Variants in TMEM69 observed in about 807,000 individuals in gnomAD.
The protein encoded by TMEM69 is chromosome 1 open reading frame 154.
In TMEM69, 17 loss-of-function variants were observed where a neutral mutation model predicts 15.8. The observed-to-expected ratio is 1.07, with a 90% confidence interval of 0.73 to 1.61. The LOEUF (loss-of-function observed/expected upper bound fraction) is 1.61. TMEM69 is among the 40% of genes most tolerant of loss of function. TMEM69 has a pLI of 0.00. For synonymous variants in TMEM69, 80 were observed against 98.6 expected (o/e 0.81, Z 1.12); for missense variants, 230 against 286.1 (o/e 0.80, Z 1.41).
At chr1:45,690,635 GGTTT>G (rs1370612243) in intron 1 of TMEM69, among the ~76,000 whole-genome samples, 1 of 150,034 alleles carries the variant, frequency 6.7e-6, no homozygotes, top group Non-Finnish European at 1.5e-5. Flanking sequence ...GTTTTGTTTT[GGTTT>G]TTTTTTTAAT....
At chr1:45,689,024 C>T (rs1354746705) in intron 1 of TMEM69, among the ~76,000 whole-genome samples, 4 of 151,748 alleles carry the variant, frequency 2.6e-5, no homozygotes, top group Non-Finnish European at 5.9e-5. Context: ...CTGCCTCAGC[C>T]TCCCGAGTAG....
intron 1 of TMEM69, 86 bp from the exon 2 acceptor site, chr1:45,690,888 G>GAA: frequency 3.1e-6 from 2 of 637,718 alleles, no homozygotes; most frequent in Non-Finnish European, 5.6e-6. Flanking sequence ...CTTTTCAAAG[G>GAA]AAAGTGTTAT....
rs1645362757 is a variant in TMEM69 at position 45,693,787 on chromosome 1, A to G, written c.626A>G (p.Asn209Ser). 4 of 1,614,216 alleles carry G rather than the reference A, an allele frequency of 2.5e-6. No homozygotes were observed. The South Asian group carries it at 3.3e-5, about 13-fold the overall frequency. The stretch of plus-strand genomic sequence containing the variant: ...CTTTTTCTCTTACCACATTATCCCA[A>G]CTGGTTTAAAGCCCTGAGGATAGTA... ...LELFLLPHYP[N>S]WFKALRIVVT... Residue 209 changes from asparagine to serine, a missense_variant, in exon 3 of 3, where the codon AAC (asparagine) becomes AGC (serine). Coordinates refer to ENST00000372025, the MANE Select transcript of TMEM69 (RefSeq NM_016486.4).
Position 45,693,934 on chromosome 1 carries a change from C to A in TMEM69, c.*29C>A. On this transcript the variant is annotated 3_prime_UTR_variant, in exon 3 of 3. Transcript: ENST00000372025. ...ATATAAAAGTCTGGGAAGTGAGGAG[C>A]ACCTCTGCCCAGCTGCTGCCCCGTC... is the stretch of plus-strand genomic sequence containing the variant. 2 of 1,430,916 alleles carry A rather than the reference C, an allele frequency of 1.4e-6. No individual in the cohort carries two copies. Among genetic ancestry groups the A allele is most frequent in the South Asian group, 1.3e-5 (1 of 76,012 alleles). The allele number at this position is 1,430,916 out of a possible 1,614,324, so 88.6% of individuals were successfully genotyped here.
intron 1 of TMEM69, among the ~76,000 whole-genome samples, chr1:45,690,416 T>C (rs3013596): frequency 0.53 from 80,679 of 151,888 alleles, 21,545 homozygotes; most frequent in Middle Eastern, 0.59. Flanking sequence ...GCACAAGAAT[T>C]GCTTGAACCC....
At chr1:45,691,518 G>C (rs1456210884) in intron 2 of TMEM69, among the ~76,000 whole-genome samples, 1 of 151,960 alleles carries the variant, frequency 6.6e-6, no homozygotes, top group African/African-American at 2.4e-5. Context: ...ACTGCAGCCT[G>C]GGTGACACAG....
chr1:45,693,338 C>A lies in TMEM69; in HGVS notation c.177C>A (p.Ser59Arg). Reference sequence around the variant, plus strand: ...CCTCATCATTTCCAGCGTATATGAGCAAGACACAGTGCTATCATACATCCC... The same window carrying A: ...CCTCATCATTTCCAGCGTATATGAGAAAGACACAGTGCTATCATACATCCC... ...WLSSSFPAYMSKTQCYHTSPC... is the reference protein window; with the variant it reads ...WLSSSFPAYMRKTQCYHTSPC... The change falls in exon 3 of 3, where the codon AGC (serine) becomes AGA (arginine). Residue 59 changes from serine (S) to arginine (R), a missense_variant. Physicochemically the swap from Ser to Arg is moderately radical, Grantham distance 110. Transcript: ENST00000372025. The A allele has an allele frequency of 6.2e-7, 1 of 1,614,172 alleles. No homozygotes were observed. The highest frequency in any genetic ancestry group is 8.5e-7 in the Non-Finnish European group (1 of 1,180,028).
chr1:45,690,635 GGTTTT>G lies in TMEM69; in HGVS notation c.-95-338_-95-334del, dbSNP rs1167065217. ...AGCTATGACCTTCCAGTTTTGTTTT[GGTTTT>G]TTTTTTAATTTCACAAAAACACCAC... On this transcript the variant is annotated intron_variant, in intron 1 of 2. Coordinates refer to ENST00000372025, the MANE Select transcript of TMEM69 (RefSeq NM_016486.4). Among the ~76,000 whole-genome samples, 16 of 150,124 alleles carry G rather than the reference GGTTTT, an allele frequency of 1.1e-4. No individual in the cohort carries two copies. In the South Asian group the frequency reaches 3.4e-3, roughly 32 times the overall value.
chr1:45,689,121 G>A (rs1301625878), intron 1 of TMEM69, among the ~76,000 whole-genome samples: 1 of 151,826 alleles, frequency 6.6e-6, no homozygotes, highest in South Asian at 2.1e-4. Flanking sequence ...CGTTGGCCAG[G>A]CTGGTCTCGA....
intron 1 of TMEM69, among the ~76,000 whole-genome samples, chr1:45,689,350 G>A (rs1645327718): frequency 6.6e-6 from 1 of 152,034 alleles, no homozygotes; most frequent in Non-Finnish European, 1.5e-5. Context: ...TTTTTAATCA[G>A]TCCCTCCTGT....
Position 45,690,983 on chromosome 1 carries a change from CCT to C in TMEM69, c.-85_-84del, listed in dbSNP as rs1161621301. Reference sequence around the variant, plus strand: ...CTTGTGTTATACACAGAAACATGCCCCTGATTCAGTGCCTCTGCTTAGCTGTA... The same window carrying C: ...CTTGTGTTATACACAGAAACATGCCCGATTCAGTGCCTCTGCTTAGCTGTA... On this transcript the variant is annotated 5_prime_UTR_variant, in exon 2 of 3. It removes the in-frame stop codon of an upstream open reading frame in the 5' UTR. Coordinates refer to ENST00000372025, the MANE Select transcript of TMEM69 (RefSeq NM_016486.4). 4 of 1,463,766 alleles carry C rather than the reference CCT, an allele frequency of 2.7e-6. No homozygotes were observed. In the Admixed American group the frequency reaches 6.8e-5, roughly 25 times the overall value. 90.7% of individuals were successfully genotyped at this position (1,463,766 alleles called of 1,614,324 possible).
rs770373213 is a variant in TMEM69 at position 45,693,897 on chromosome 1, C to G, written c.736C>G (p.Gln246Glu). The G allele has an allele frequency of 6.3e-7, 1 of 1,587,016 alleles. No homozygotes were observed. ...AGAAAAAGGACATAAGAGACCTGGT[C>G]AAGTATAAAAAATATAAAAGTCTGG... The part of the protein sequence containing the change: ...FPEKGHKRPG[Q>E]V Residue 246 changes from glutamine (Q) to glutamate (E), a missense_variant, in exon 3 of 3, where the codon CAA (glutamine) becomes GAA (glutamate). Gln to Glu is a conservative substitution (Grantham distance 29). Transcript: ENST00000372025.
chr1:45,692,622 A>G (rs1557731873), intron 2 of TMEM69, among the ~76,000 whole-genome samples: 1 of 150,144 alleles, frequency 6.7e-6, no homozygotes, highest in East Asian at 1.9e-4. Context: ...GCATTAAATC[A>G]GACCGTAGAA....
chr1:45,693,618 A>G lies in TMEM69; in HGVS notation c.457A>G (p.Ser153Gly), dbSNP rs777484514. The change falls in exon 3 of 3, where the codon AGT (serine) becomes GGT (glycine). Residue 153 changes from serine to glycine, a missense_variant. Coordinates refer to ENST00000372025, the MANE Select transcript of TMEM69 (RefSeq NM_016486.4). ...ATGGGGTTTTGCTCTACCAGAAGGTAGTCCAGCCAAACCAGACTACCTTAA... is the reference window on the plus strand; with the variant it reads ...ATGGGGTTTTGCTCTACCAGAAGGTGGTCCAGCCAAACCAGACTACCTTAA... ...IRWGFALPEG[S>G]PAKPDYLNLA... is the part of the protein sequence containing the mutation. 6.2e-6 allele frequency: 10 copies of G among 1,614,232 alleles called. No homozygotes were observed. In the African/African-American group the frequency reaches 9.3e-5, roughly 15 times the overall value.
At chr1:45,692,387 T>C (rs1645350301) in intron 2 of TMEM69, among the ~76,000 whole-genome samples, 1 of 152,210 alleles carries the variant, frequency 6.6e-6, no homozygotes, top group South Asian at 2.1e-4. Context: ...ATTTTTTCTT[T>C]AATGCAACAC....
intron 1 of TMEM69, among the ~76,000 whole-genome samples, chr1:45,690,223 C>G (rs1168943668): frequency 6.6e-6 from 1 of 152,090 alleles, no homozygotes; most frequent in Non-Finnish European, 1.5e-5. Flanking sequence ...TAATGCTCAC[C>G]GGGCGCGGTG....
In TMEM69 at chr1:45,693,913, A is replaced by G; in HGVS notation, c.*8A>G. 1 of 1,563,878 alleles carries G rather than the reference A, an allele frequency of 6.4e-7. No individual in the cohort carries two copies. Among genetic ancestry groups the G allele is most frequent in the Non-Finnish European group, 8.6e-7 (1 of 1,156,598 alleles). On this transcript the variant is annotated 3_prime_UTR_variant, in exon 3 of 3. Coordinates refer to ENST00000372025, the MANE Select transcript of TMEM69 (RefSeq NM_016486.4). The stretch of plus-strand genomic sequence containing the variant: ...AGACCTGGTCAAGTATAAAAAATAT[A>G]AAAGTCTGGGAAGTGAGGAGCACCT...
chr1:45,693,070 G>A (rs1645355172), intron 2 of TMEM69, 134 bp from the exon 3 acceptor site: 6 of 616,260 alleles, frequency 9.7e-6, no homozygotes, highest in Non-Finnish European at 1.7e-5. Flanking sequence ...ATAGTTTGAT[G>A]TGGTAATGGA....
In TMEM69 at chr1:45,693,836, A is replaced by G; in HGVS notation, c.675A>G (p.Ser225=). The stretch of plus-strand genomic sequence containing the variant: ...TAGTCACTTTATTGGCCACTTTTTC[A>G]TTTATAATCACTTTAGTAGTTAAAA... ...RIVVTLLATF[S]FIITLVVKSS... The change falls in exon 3 of 3, where the codon TCA becomes TCG. Residue 225 remains serine (S), a synonymous_variant. Coordinates refer to ENST00000372025, the MANE Select transcript of TMEM69 (RefSeq NM_016486.4). 1 of 1,613,992 alleles carries G rather than the reference A, an allele frequency of 6.2e-7. No homozygotes were observed.
Sources: allele counts gnomAD v4.1 joint callset (sites outside exome capture counted in the v4.1 genomes callset), GRCh38; gene constraint gnomAD v4.1.1; transcripts MANE v1.5; gene names NCBI Gene and HGNC (gene_info 2026-07-23, HGNC 2026-07-21).